The following ADAM18 variants were observed in gnomAD, a reference collection of about 807,000 sequenced individuals.
ADAM18 encodes ADAM metallopeptidase domain 18.
ADAM18 carries 117 observed loss-of-function variants against 94.4 expected under a neutral mutation model. The observed-to-expected ratio is 1.24, with a 90% CI of 1.07 to 1.45. ADAM18 has a LOEUF of 1.45. ADAM18 is among the 40% of genes most tolerant of loss of function. The probability of loss-of-function intolerance (pLI) is 0.00; values close to 1 mark genes in which losing one functional copy is unlikely to be tolerated. For synonymous variants in ADAM18, 327 were observed against 291.6 expected, an observed-to-expected ratio of 1.12 and a Z score of -1.24; for missense variants, 936 against 880.0, an observed-to-expected ratio of 1.06 and a Z score of -0.81.
In ADAM18 at chr8:39,584,678, G is replaced by T. The variant is rs143451231; in HGVS notation, c.55+1G>T. On this transcript the variant is annotated splice_donor_variant, in intron 1 of 19. Transcript: ENST00000265707. LOFTEE classifies it high-confidence loss of function. ...CTTGGAAGACTGCAAGCCCACGAAG[G>T]TAAGTCCATGGGAGCCTCCCCTTTC... 1.2e-6 allele frequency: 2 copies of T among 1,613,022 alleles called. No homozygotes were observed. The highest frequency in any genetic ancestry group is 1.1e-5 in the South Asian group (1 of 91,086).
At chr8:39,630,111 A>G (rs896423912) in intron 7 of ADAM18, among the ~76,000 whole-genome samples, 12 of 151,998 alleles carry the variant, frequency 7.9e-5, no homozygotes, top group African/African-American at 2.9e-4. Flanking sequence ...ATTGCTAACA[A>G]AAATTTCACT....
At position 39,606,163 on chromosome 8, in the gene ADAM18, A is replaced by C. The variant is rs1819077155; in HGVS notation, c.133-144A>C. 9.3e-6 allele frequency: 5 copies of C among 535,914 alleles called. No individual in the cohort carries two copies. The South Asian group carries it at 1.0e-4, about 11-fold the overall frequency. 33.2% of individuals were successfully genotyped at this position (535,914 alleles called of 1,614,324 possible). A position where few individuals can be genotyped will look rare whatever the true frequency, so the allele number is the denominator to read the frequency against. On this transcript the variant is annotated intron_variant, in intron 2 of 19. Transcript: ENST00000265707. Reference sequence around the variant, plus strand: ...TGTTCCTGAATTTATTAAGATATTAAATTCTTACTATTTAGAATAATAAAT... The same window carrying C: ...TGTTCCTGAATTTATTAAGATATTACATTCTTACTATTTAGAATAATAAAT...
At chr8:39,649,468 C>G (rs1820468263) in intron 12 of ADAM18, among the ~76,000 whole-genome samples, 2 of 152,062 alleles carry the variant, frequency 1.3e-5, no homozygotes, top group South Asian at 4.1e-4. Flanking sequence ...ATCTTGCAGT[C>G]TCCTACCCCT....
In ADAM18 at chr8:39,637,246, A is replaced by G; in HGVS notation, c.589-18A>G. 1.3e-6 allele frequency: 2 copies of G among 1,543,308 alleles called. No homozygotes were observed. Among genetic ancestry groups the G allele is most frequent in the Non-Finnish European group, 1.8e-6 (2 of 1,135,748 alleles). Reference sequence around the variant, plus strand: ...ATTCAAAATAATACTTTCATGAAAAATAAAATTTCTTTTTCAGTATGATTA... The same window carrying G: ...ATTCAAAATAATACTTTCATGAAAAGTAAAATTTCTTTTTCAGTATGATTA... On this transcript the variant is annotated intron_variant, in intron 7 of 19. Transcript: ENST00000265707.
chr8:39,592,450 C>G (rs1402566187), intron 2 of ADAM18, among the ~76,000 whole-genome samples: 1 of 152,040 alleles, frequency 6.6e-6, no homozygotes, highest in Non-Finnish European at 1.5e-5. Context: ...AAATGTCCAC[C>G]AACAGTTCAC....
chr8:39,616,135 G>A (rs1253711273), intron 6 of ADAM18, among the ~76,000 whole-genome samples: 2 of 152,158 alleles, frequency 1.3e-5, no homozygotes, highest in African/African-American at 4.8e-5. Flanking sequence ...CAGCCACAGT[G>A]GCTCATGCCT....
chr8:39,699,293 G>A (rs899604450), intron 17 of ADAM18, among the ~76,000 whole-genome samples: 9 of 151,924 alleles, frequency 5.9e-5, no homozygotes, highest in African/African-American at 9.7e-5. Flanking sequence ...TTCATTCTAC[G>A]TTCATGGAAG....
intron 11 of ADAM18, among the ~76,000 whole-genome samples, chr8:39,646,394 AAAT>A (rs1163339876): frequency 2.0e-5 from 3 of 152,200 alleles, no homozygotes; most frequent in Non-Finnish European, 2.9e-5. Flanking sequence ...AAAACAATTA[AAAT>A]AATCAGGTGA....
At position 39,706,813 on chromosome 8, in the gene ADAM18, T is replaced by G; in HGVS notation, c.1926T>G (p.Cys642Trp). Residue 642 changes from cysteine (C) to tryptophan (W), a missense_variant, in exon 18 of 20, where the codon TGT (cysteine) becomes TGG (tryptophan). Transcript: ENST00000265707. ...GKGICNNFGNCQCFPGHRPPD... is the reference protein window; with the variant it reads ...GKGICNNFGNWQCFPGHRPPD... ...AGATATGTAATAATTTTGGTAATTG[T>G]CAATGCTTCCCTGGACATAGACCTC... is the stretch of plus-strand genomic sequence containing the variant. The G allele has an allele frequency of 6.2e-7, 1 of 1,607,406 alleles. No homozygotes were observed. Among genetic ancestry groups the G allele is most frequent in the Non-Finnish European group, 8.5e-7 (1 of 1,175,144 alleles).
At chr8:39,591,914 C>T (rs532535734) in intron 2 of ADAM18, among the ~76,000 whole-genome samples, 13 of 152,300 alleles carry the variant, frequency 8.5e-5, no homozygotes, top group African/African-American at 2.9e-4. Flanking sequence ...ACGCTGTGTT[C>T]GCAGGCAGGA....
At chr8:39,642,828 ATGG>A (rs1820273378) in intron 10 of ADAM18, among the ~76,000 whole-genome samples, 1 of 152,100 alleles carries the variant, frequency 6.6e-6, no homozygotes, top group Non-Finnish European at 1.5e-5. Flanking sequence ...AAGAATGTAA[ATGG>A]TAGTTTAATA....
At chr8:39,686,839 C>T (rs756744683) in intron 16 of ADAM18, among the ~76,000 whole-genome samples, 2 of 152,200 alleles carry the variant, frequency 1.3e-5, no homozygotes, top group Admixed American at 6.5e-5. Context: ...AGTTATTGCA[C>T]ATCACTTGCA....
At chr8:39,630,125 A>C (rs1585916632) in intron 7 of ADAM18, among the ~76,000 whole-genome samples, 1 of 152,022 alleles carries the variant, frequency 6.6e-6, no homozygotes, top group Admixed American at 6.6e-5. Flanking sequence ...TTTCACTTCA[A>C]TAATAGTAGT....
intron 19 of ADAM18, among the ~76,000 whole-genome samples, chr8:39,725,654 T>G (rs149253694): frequency 6.6e-6 from 1 of 152,220 alleles, no homozygotes; most frequent in African/African-American, 2.4e-5. Context: ...GTCCTCTACA[T>G]CTATTCATGA....
At chr8:39,703,094 A>G (rs967942462) in intron 17 of ADAM18, among the ~76,000 whole-genome samples, 4 of 152,126 alleles carry the variant, frequency 2.6e-5, no homozygotes, top group Non-Finnish European at 5.9e-5. Context: ...TTTTCACAAT[A>G]TTGATTCTTC....
intron 18 of ADAM18, among the ~76,000 whole-genome samples, chr8:39,716,284 AG>A (rs1437069064): frequency 6.6e-6 from 1 of 151,678 alleles, no homozygotes; most frequent in Non-Finnish European, 1.5e-5. Context: ...GGGTAATGTT[AG>A]GTTGTTTATT....
intron 14 of ADAM18, among the ~76,000 whole-genome samples, chr8:39,672,674 G>A (rs1223898160): frequency 6.6e-6 from 1 of 152,166 alleles, no homozygotes; most frequent in African/African-American, 2.4e-5. Flanking sequence ...GGGAGCAAGG[G>A]CCATAGAAGA....
At chr8:39,656,121 A>G (rs533952097) in intron 12 of ADAM18, among the ~76,000 whole-genome samples, 1 of 152,160 alleles carries the variant, frequency 6.6e-6, no homozygotes, top group East Asian at 1.9e-4. Flanking sequence ...ATGTGTTGGT[A>G]TATGTAAATA....
At chr8:39,668,324 T>A in intron 14 of ADAM18, 128 bp downstream of exon 14, 1 of 840,938 alleles carries the variant, frequency 1.2e-6, no homozygotes, top group Non-Finnish European at 1.8e-6. Flanking sequence ...AAATTTTAGT[T>A]AAAGAAGAGT....
Sources: gnomAD v4.1 joint callset for allele counts (sites outside exome capture counted in the v4.1 genomes callset) on GRCh38, gnomAD v4.1.1 for gene constraint, MANE v1.5 for transcripts, NCBI Gene and HGNC (gene_info 2026-07-23, HGNC 2026-07-21) for gene names.